The following DLG2 variants were observed in gnomAD, a reference collection of about 807,000 sequenced individuals.
DLG2 encodes disks large homolog 2.
A neutral mutation model predicts 132.5 loss-of-function variants in DLG2; 45 were observed. That is an observed-to-expected ratio of 0.34 (90% confidence interval 0.27 to 0.44). The LOEUF (loss-of-function observed/expected upper bound fraction) is 0.44. Ranked by LOEUF, DLG2 falls within the 20% of genes least tolerant of loss-of-function variation. The pLI is 1.00. For missense variants in DLG2, 1,045 were observed against 1,196.9 expected (o/e 0.87, Z 1.87); for synonymous variants, 424 against 419.6 (o/e 1.01, Z -0.13).
chr11:83,682,165 A>G, intron 18 of DLG2: 1 of 985,392 alleles, frequency 1.0e-6, no homozygotes, highest in Non-Finnish European at 1.2e-6. Flanking sequence ...TACCGAGCAC[A>G]AAATTATTGG....
chr11:85,500,798 G>A (rs897510342), intron 3 of DLG2, among the ~76,000 whole-genome samples: 1 of 152,156 alleles, frequency 6.6e-6, no homozygotes, highest in East Asian at 1.9e-4. Flanking sequence ...AACATTCCAC[G>A]CTCATGGATA....
At chr11:84,114,568 C>T (rs901323702) in intron 9 of DLG2, among the ~76,000 whole-genome samples, 1 of 152,162 alleles carries the variant, frequency 6.6e-6, no homozygotes, top group Admixed American at 6.5e-5. Flanking sequence ...TCAGAACATG[C>T]TATAAGGAAT....
At chr11:83,534,579 G>C (rs140488191) in intron 20 of DLG2, among the ~76,000 whole-genome samples, 329 of 152,302 alleles carry the variant, frequency 2.2e-3, no homozygotes, top group Non-Finnish European at 3.7e-3. Flanking sequence ...ATTTCAGTGT[G>C]AGAGTAGAAT....
chr11:85,519,183 C>T (rs1305986825), intron 3 of DLG2, among the ~76,000 whole-genome samples: 1 of 152,182 alleles, frequency 6.6e-6, no homozygotes, highest in Non-Finnish European at 1.5e-5. Flanking sequence ...AAGAGGACCA[C>T]CATCCTCCAG....
Position 84,197,832 on chromosome 11 carries a change from T to C in DLG2, c.574-34321A>G, listed in dbSNP as rs952615292. On this transcript the variant is annotated intron_variant, in intron 8 of 27. Coordinates refer to ENST00000376104, the MANE Select transcript of DLG2 (RefSeq NM_001142699.3). ...AATAATTCTGGTCACGTTTTATAGG[T>C]CAGCCTAGAGTTTCTCAGATATTTT... 9.9e-5 allele frequency among the ~76,000 whole-genome samples: 15 copies of C among 152,276 alleles called. No individual in the cohort carries two copies. In the East Asian group the frequency reaches 2.7e-3, roughly 27 times the overall value.
chr11:85,303,521 C>T (rs2079740254), intron 3 of DLG2, among the ~76,000 whole-genome samples: 3 of 152,096 alleles, frequency 2.0e-5, no homozygotes, highest in South Asian at 2.1e-4. Flanking sequence ...GTATGTTCCC[C>T]TTATTACCCA....
In DLG2 at chr11:83,621,314, T is replaced by C. The variant is rs147021991; in HGVS notation, c.1940+11897A>G. Among the ~76,000 whole-genome samples the C allele has an allele frequency of 8.5e-3, 1,295 of 152,232 alleles. 8 individuals are homozygous for C. The highest frequency in any genetic ancestry group is 0.02 in the Middle Eastern group (6 of 294). On this transcript the variant is annotated intron_variant, in intron 19 of 27. Transcript: ENST00000376104. ...TGCCAGTCAGGGGAATTTACAAATC[T>C]TGCACCCTCTGAATTTTGGCAATGA...
intron 4 of DLG2, among the ~76,000 whole-genome samples, chr11:85,282,484 C>T (rs142469294): frequency 4.3e-4 from 63 of 147,776 alleles, no homozygotes; most frequent in African/African-American, 1.5e-3. Flanking sequence ...ATATGTATAA[C>T]TATTATGTAT....
intron 15 of DLG2, among the ~76,000 whole-genome samples, chr11:83,920,882 TATCA>T (rs1322299461): frequency 6.6e-6 from 1 of 152,202 alleles, no homozygotes; most frequent in Non-Finnish European, 1.5e-5. Flanking sequence ...TATCTTCATA[TATCA>T]ATCAGTCATC....
At chr11:84,624,162 C>G (rs527992276) in intron 6 of DLG2, among the ~76,000 whole-genome samples, 1 of 152,230 alleles carries the variant, frequency 6.6e-6, no homozygotes, top group Admixed American at 6.5e-5. Context: ...GTTCTAAAAA[C>G]TTTCCTGTTT....
chr11:83,803,177 C>T (rs1315279543), intron 17 of DLG2, among the ~76,000 whole-genome samples: 3 of 152,028 alleles, frequency 2.0e-5, no homozygotes, highest in Non-Finnish European at 4.4e-5. Flanking sequence ...TTACTGAATG[C>T]CTTCTTTGTG....
chr11:85,505,611 T>G (rs2093912425), intron 3 of DLG2, among the ~76,000 whole-genome samples: 1 of 152,198 alleles, frequency 6.6e-6, no homozygotes, highest in Non-Finnish European at 1.5e-5. Context: ...TGCTGCTGGA[T>G]TTGGTTTGCC....
chr11:85,053,214 C>T (rs1178936003), intron 6 of DLG2, among the ~76,000 whole-genome samples: 1 of 152,054 alleles, frequency 6.6e-6, no homozygotes, highest in Non-Finnish European at 1.5e-5. Context: ...CCTTCCAGCC[C>T]TGCCATTCCA....
chr11:84,803,224 C>A (rs1024198916), intron 6 of DLG2, among the ~76,000 whole-genome samples: 1 of 152,152 alleles, frequency 6.6e-6, no homozygotes, highest in African/African-American at 2.4e-5. Flanking sequence ...CAATAAATAG[C>A]TAGTGCTGAT....
At chr11:85,421,047 C>T (rs1176307668) in intron 3 of DLG2, among the ~76,000 whole-genome samples, 1 of 152,168 alleles carries the variant, frequency 6.6e-6, no homozygotes, top group East Asian at 1.9e-4. Flanking sequence ...AGCTCAGTGT[C>T]CAAACAGCTG....
At chr11:84,890,309 A>T (rs1466378258) in intron 6 of DLG2, among the ~76,000 whole-genome samples, 2 of 152,210 alleles carry the variant, frequency 1.3e-5, no homozygotes, top group African/African-American at 4.8e-5. Flanking sequence ...GAAAAAGTAC[A>T]AAAGGTCCAA....
chr11:85,428,495 A>T (rs998083366), intron 3 of DLG2, among the ~76,000 whole-genome samples: 2 of 152,234 alleles, frequency 1.3e-5, no homozygotes, highest in African/African-American at 4.8e-5. Context: ...ACATAACTAC[A>T]TGGAAACTGA....
At chr11:84,185,505 T>C (rs2096257885) in intron 8 of DLG2, among the ~76,000 whole-genome samples, 1 of 152,196 alleles carries the variant, frequency 6.6e-6, no homozygotes, top group Admixed American at 6.5e-5. Context: ...TATACAATCG[T>C]GTCATCTGCA....
intron 6 of DLG2, among the ~76,000 whole-genome samples, chr11:84,784,304 G>A (rs1285447192): frequency 6.3e-5 from 9 of 143,880 alleles, no homozygotes; most frequent in African/African-American, 2.3e-4. Context: ...TGGGCAACAA[G>A]AGCGAAACTC....
Sources: gnomAD v4.1 joint callset for allele counts (sites outside exome capture counted in the v4.1 genomes callset) on GRCh38, gnomAD v4.1.1 for gene constraint, MANE v1.5 for transcripts, NCBI Gene and HGNC (gene_info 2026-07-23, HGNC 2026-07-21) for gene names.